MAP4K4: variants seen among roughly 807,000 people sequenced by gnomAD.
MAP4K4 encodes HPK/GCK-like kinase HGK.
In MAP4K4, 38 loss-of-function variants were observed where a neutral mutation model predicts 189.6. That is an observed-to-expected ratio of 0.20 (90% CI 0.15 to 0.26). The LOEUF (loss-of-function observed/expected upper bound fraction) is 0.26. MAP4K4 is among the 10% of genes least tolerant of loss of function. MAP4K4 has a pLI of 1.00. For synonymous variants in MAP4K4, 610 were observed against 624.3 expected (o/e 0.98, Z 0.34); for missense variants, 1,054 against 1,726.9 (o/e 0.61, Z 6.91).
chr2:101,797,705 A>C (rs898701780), intron 3 of MAP4K4, among the ~76,000 whole-genome samples: 1 of 152,066 alleles, frequency 6.6e-6, no homozygotes, highest in Non-Finnish European at 1.5e-5. Flanking sequence ...AAGACCTTGA[A>C]GAAAAGCTCT....
intron 2 of MAP4K4, among the ~76,000 whole-genome samples, chr2:101,788,221 C>A (rs2092051384): frequency 6.6e-6 from 1 of 152,036 alleles, no homozygotes; most frequent in South Asian, 2.1e-4. Context: ...GAGACAATTG[C>A]AGTCTACAAG....
intron 25 of MAP4K4, 76 bp from the exon 26 acceptor site, chr2:101,874,006 T>TG: frequency 8.0e-7 from 1 of 1,250,346 alleles, no homozygotes; most frequent in Non-Finnish European, 1.1e-6. Flanking sequence ...AATATTTACT[T>TG]GAAGTATACT....
intron 2 of MAP4K4, among the ~76,000 whole-genome samples, chr2:101,771,663 A>C (rs1272750799): frequency 6.6e-6 from 1 of 152,146 alleles, no homozygotes; most frequent in Non-Finnish European, 1.5e-5. Flanking sequence ...GAGGCCGCGC[A>C]ATGTGCAGAC....
intron 9 of MAP4K4, among the ~76,000 whole-genome samples, chr2:101,837,647 A>T (rs990848103): frequency 4.6e-5 from 7 of 152,136 alleles, no homozygotes; most frequent in African/African-American, 1.7e-4. Flanking sequence ...GTGGAGCTGG[A>T]GTAACTCTAC....
At chr2:101,837,525 T>A (rs1156838434) in intron 9 of MAP4K4, among the ~76,000 whole-genome samples, 1 of 152,134 alleles carries the variant, frequency 6.6e-6, no homozygotes, top group Non-Finnish European at 1.5e-5. Context: ...TTGTAAGGAT[T>A]TTAACCCCAG....
chr2:101,859,937 T>A (rs1160807817), intron 15 of MAP4K4, 73 bp downstream of exon 15: 12 of 1,404,018 alleles, frequency 8.5e-6, no homozygotes, highest in Non-Finnish European at 7.9e-6. Context: ...CTGTGTCATA[T>A]GAGTTCTAGA....
chr2:101,831,644 C>G, intron 6 of MAP4K4, 77 bp from the exon 7 acceptor site: 8 of 1,455,412 alleles, frequency 5.5e-6, no homozygotes, highest in Non-Finnish European at 7.5e-6. Flanking sequence ...ACATTTCCTC[C>G]TTGTGTTTTT....
chr2:101,743,817 C>G (rs563074648), intron 2 of MAP4K4, among the ~76,000 whole-genome samples: 4 of 152,234 alleles, frequency 2.6e-5, no homozygotes, highest in Admixed American at 2.0e-4. Flanking sequence ...ACCACCACAC[C>G]TGGCTAATTT....
chr2:101,835,813 G>C, intron 8 of MAP4K4, 87 bp from the exon 9 acceptor site: 1 of 870,392 alleles, frequency 1.1e-6, no homozygotes, highest in Non-Finnish European at 1.9e-6. Context: ...ATGGGCCAGA[G>C]CATTTCATGT....
chr2:101,871,369 T>G (rs1187129283), intron 23 of MAP4K4, 125 bp from the exon 24 acceptor site: 2 of 715,242 alleles, frequency 2.8e-6, no homozygotes, highest in African/African-American at 3.6e-5. Context: ...GCTAATTTCT[T>G]TGGTTTTTCC....
intron 2 of MAP4K4, among the ~76,000 whole-genome samples, chr2:101,780,284 T>C (rs1477478689): frequency 6.6e-6 from 1 of 152,182 alleles, no homozygotes; most frequent in Non-Finnish European, 1.5e-5. Flanking sequence ...TGCCTTTTGA[T>C]TTGTGTATGA....
chr2:101,844,460 C>T, intron 12 of MAP4K4, 149 bp downstream of exon 12: 2 of 691,706 alleles, frequency 2.9e-6, no homozygotes, highest in Non-Finnish European at 4.9e-6. Flanking sequence ...TGAAAGAAAG[C>T]TTACGCTTTG....
chr2:101,760,698 T>A (rs1467563147), intron 2 of MAP4K4, among the ~76,000 whole-genome samples: 1 of 151,936 alleles, frequency 6.6e-6, no homozygotes, highest in Non-Finnish European at 1.5e-5. Flanking sequence ...ATACTCTCTG[T>A]TAGAATAATA....
At chr2:101,892,329 G>A (rs893555177) in exon 33 of MAP4K4, 9 of 152,846 alleles carry the variant, frequency 5.9e-5, no homozygotes, top group African/African-American at 2.2e-4. Flanking sequence ...GACTTTTATT[G>A]TCACAAATCA....
intron 3 of MAP4K4, among the ~76,000 whole-genome samples, chr2:101,803,804 C>G (rs970158585): frequency 6.6e-6 from 1 of 152,176 alleles, no homozygotes; most frequent in Non-Finnish European, 1.5e-5. Context: ...CCCCCCTTCA[C>G]TACCATTAGC....
chr2:101,841,094 C>G (rs7599763), intron 10 of MAP4K4, among the ~76,000 whole-genome samples: 4,724 of 152,236 alleles, frequency 0.031, 254 homozygotes, highest in African/African-American at 0.11. Flanking sequence ...GAACATTTGC[C>G]AGATACCTTG....
chr2:101,792,212 G>T (rs2092990490), intron 3 of MAP4K4, among the ~76,000 whole-genome samples: 1 of 152,198 alleles, frequency 6.6e-6, no homozygotes, highest in South Asian at 2.1e-4. Flanking sequence ...TCTTGCCGGT[G>T]CTGTGTTGGG....
intron 3 of MAP4K4, among the ~76,000 whole-genome samples, chr2:101,793,494 T>C (rs1442341059): frequency 1.3e-5 from 2 of 151,280 alleles, no homozygotes; most frequent in Non-Finnish European, 2.9e-5. Flanking sequence ...TTTTGCAGCA[T>C]GTGCTTCTGG....
In MAP4K4 at chr2:101,871,400, A is replaced by T. The variant is rs9967668; in HGVS notation, c.2761-94A>T. On this transcript the variant is annotated intron_variant, in intron 23 of 32. Transcript: ENST00000324219. Reference sequence around the variant, plus strand: ...TTTCCTTGGTAATTTAGCAGAGTTTATAAGTCACACAGCACCTTAAAGCAG... The same window carrying T: ...TTTCCTTGGTAATTTAGCAGAGTTTTTAAGTCACACAGCACCTTAAAGCAG... 27,294 of 986,042 alleles carry T rather than the reference A, an allele frequency of 0.028. 2,758 individuals are homozygous for T. In the African/African-American group the frequency reaches 0.29, roughly 11 times the overall value. The allele number at this position is 986,042 out of a possible 1,614,324, so 61.1% of individuals were successfully genotyped here.
Sources: allele counts gnomAD v4.1 joint callset (sites outside exome capture counted in the v4.1 genomes callset), GRCh38; gene constraint gnomAD v4.1.1; transcripts MANE v1.5; gene names NCBI Gene and HGNC (gene_info 2026-07-23, HGNC 2026-07-21).